Variants in VIRMA observed in about 807,000 individuals in gnomAD.
The protein encoded by VIRMA is vir like m6A methyltransferase associated.
A neutral mutation model predicts 182.4 loss-of-function variants in VIRMA; 65 were observed. The ratio of observed to expected loss-of-function variants is 0.36; its 90% confidence interval spans 0.29 to 0.44. The LOEUF is 0.44. Among genes scored for constraint, VIRMA ranks in the 20% least tolerant of loss-of-function variants. The pLI, the probability that VIRMA is intolerant of heterozygous loss-of-function variation, is 1.00. For missense variants in VIRMA, 1,752 were observed against 2,158.1 expected (o/e 0.81, Z 3.73); for synonymous variants, 709 against 743.1 (o/e 0.95, Z 0.75).
chr8:94,521,044 T>C lies in VIRMA; in HGVS notation c.2022-1568A>G, dbSNP rs201600737. Among the ~76,000 whole-genome samples, 8 of 7,838 alleles carry C rather than the reference T, an allele frequency of 1.0e-3. No individual in the cohort carries two copies. In the East Asian group the frequency reaches 0.15, roughly 151 times the overall value. 5.1% of individuals were successfully genotyped at this position (7,838 alleles called of 152,430 possible). A position where few individuals can be genotyped will look rare whatever the true frequency, so the allele number is the denominator to read the frequency against. ...TTCCAAAATCTACTTTTTTATCTCT[T>C]TTTTTTTTTTAAATTTTTTAGTTCT... is the stretch of plus-strand genomic sequence containing the variant. On this transcript the variant is annotated intron_variant, in intron 8 of 23. Coordinates refer to ENST00000297591, the MANE Select transcript of VIRMA (RefSeq NM_015496.5).
rs367972080 is a variant in VIRMA at position 94,518,999 on chromosome 8, G to A, written c.2499C>T (p.Ser833=). Residue 833 remains serine, a synonymous_variant, in exon 9 of 24, where the codon TCC becomes TCT. Coordinates refer to ENST00000297591, the MANE Select transcript of VIRMA (RefSeq NM_015496.5). ...TAGGAAATTACCCCAAGGCTTCTTTGGAATAGTACTCCATTAGAGTAATAA... is the reference window on the plus strand; with the variant it reads ...TAGGAAATTACCCCAAGGCTTCTTTAGAATAGTACTCCATTAGAGTAATAA... ...QSLITLMEYY[S]KEALGDSKSK... 10 of 1,602,478 alleles carry A rather than the reference G, an allele frequency of 6.2e-6. No homozygotes were observed. The highest frequency in any genetic ancestry group is 7.6e-6 in the Non-Finnish European group (9 of 1,176,878).
intron 1 of VIRMA, among the ~76,000 whole-genome samples, chr8:94,549,056 T>C (rs1815880656): frequency 6.6e-6 from 1 of 152,228 alleles, no homozygotes. Flanking sequence ...ACACCTGGCT[T>C]ATCTTGCATT....
rs1815075072 is a variant in VIRMA, at chr8:94,529,212, T to C, written c.738A>G (p.Glu246=). 1.3e-6 allele frequency: 2 copies of C among 1,522,278 alleles called. No individual in the cohort carries two copies. The highest frequency in any genetic ancestry group is 1.8e-6 in the Non-Finnish European group (2 of 1,096,724). The allele number at this position is 1,522,278 out of a possible 1,614,324, so 94.3% of individuals were successfully genotyped here. A position where few individuals can be genotyped will look rare whatever the true frequency, so the allele number is the denominator to read the frequency against. ...DEGEVEEEQQ[E]EGEEDEDDVD... is the part of the protein sequence containing the mutation. ...CATCATCTTCATCTTCTTCTCCTTCTTCTTGTTGTTCCTCTTCTACTTCTC... is the reference window on the plus strand; with the variant it reads ...CATCATCTTCATCTTCTTCTCCTTCCTCTTGTTGTTCCTCTTCTACTTCTC... Residue 246 remains glutamate, a synonymous_variant, in exon 7 of 24, where the codon GAA becomes GAG. Transcript: ENST00000297591.
At chr8:94,514,828 C>T (rs1814505699) in intron 11 of VIRMA, 41 bp downstream of exon 11, 1 of 994,250 alleles carries the variant, frequency 1.0e-6, no homozygotes, top group Non-Finnish European at 1.6e-6. Flanking sequence ...TACTACCACA[C>T]AGTTTCAAAA....
In VIRMA at chr8:94,513,335, T is replaced by TCAAAA. The variant is rs199748166; in HGVS notation, c.2752-1251_2752-1247dup. Among the ~76,000 whole-genome samples, 30 of 146,438 alleles carry TCAAAA rather than the reference T, an allele frequency of 2.0e-4. No homozygotes were observed. In the East Asian group the frequency reaches 4.2e-3, roughly 21 times the overall value. On this transcript the variant is annotated intron_variant, in intron 11 of 23. Transcript: ENST00000297591. The stretch of plus-strand genomic sequence containing the variant: ...CTGGGCGACAGAGCAAGACTCCATC[T>TCAAAA]CAAAACAAAACAAAACAAAACAAAA...
intron 16 of VIRMA, among the ~76,000 whole-genome samples, chr8:94,500,608 G>C (rs923712967): frequency 1.3e-5 from 2 of 151,612 alleles, no homozygotes; most frequent in Admixed American, 1.3e-4. Context: ...CACTGCTAGT[G>C]GGAATGAAAA....
At chr8:94,492,323 G>A (rs551221051) in intron 21 of VIRMA, among the ~76,000 whole-genome samples, 21 of 143,536 alleles carry the variant, frequency 1.5e-4, no homozygotes, top group South Asian at 4.5e-4. Flanking sequence ...TTGCTCTGTC[G>A]CCCAGGCTGC....
Position 94,526,902 on chromosome 8 carries a change from G to C in VIRMA, c.1342C>G (p.Pro448Ala), listed in dbSNP as rs1179761393. 6.2e-7 allele frequency: 1 copy of C among 1,614,206 alleles called. No homozygotes were observed. Among genetic ancestry groups the C allele is most frequent in the Non-Finnish European group, 8.5e-7 (1 of 1,180,022 alleles). The change falls in exon 8 of 24, where the codon CCT (proline) becomes GCT (alanine). Residue 448 changes from proline to alanine, a missense_variant. This residue lies in a region of VIRMA where 401 missense variants were observed against 455.1 expected (regional missense o/e 0.88). Coordinates refer to ENST00000297591, the MANE Select transcript of VIRMA (RefSeq NM_015496.5). The part of the protein sequence containing the change: ...ALNLQVALRQ[P>A]IALNVRQLKA... The stretch of plus-strand genomic sequence containing the variant: ...AGCTGTCGAACATTTAAGGCGATAG[G>C]TTGGCGAAGCGCTACTTGTAAATTT...
In VIRMA at chr8:94,526,482, G is replaced by C. The variant is rs765407097; in HGVS notation, c.1762C>G (p.His588Asp). 1 of 1,613,830 alleles carries C rather than the reference G, an allele frequency of 6.2e-7. No homozygotes were observed. Among genetic ancestry groups the C allele is most frequent in the Admixed American group, 1.7e-5 (1 of 59,938 alleles). ...SSLPNHSEPD[H>D]DTDAGLERTN... Reference sequence around the variant, plus strand: ...CTCTCAAGTCCAGCATCTGTGTCGTGATCAGGTTCACTGTGGTTAGGAAGA... The same window carrying C: ...CTCTCAAGTCCAGCATCTGTGTCGTCATCAGGTTCACTGTGGTTAGGAAGA... The change falls in exon 8 of 24, where the codon CAC (histidine) becomes GAC (aspartate). Residue 588 changes from histidine (H) to aspartate (D), a missense_variant. Physicochemically the swap from His to Asp is moderately conservative, Grantham distance 81. Coordinates refer to ENST00000297591, the MANE Select transcript of VIRMA (RefSeq NM_015496.5).
chr8:94,488,677 A>G lies in VIRMA; in HGVS notation c.*29T>C, dbSNP rs1378106073. On this transcript the variant is annotated 3_prime_UTR_variant, in exon 24 of 24. Transcript: ENST00000297591. ...TTTATTGTCCTCGTGAAATGTTCAT[A>G]TACAGTTAAGATGTTCCCAAAAGGA... 5 of 1,610,428 alleles carry G rather than the reference A, an allele frequency of 3.1e-6. No homozygotes were observed. Among genetic ancestry groups the G allele is most frequent in the Non-Finnish European group, 4.2e-6 (5 of 1,177,194 alleles).
chr8:94,515,746 T>A (rs559886339), intron 10 of VIRMA, among the ~76,000 whole-genome samples: 1 of 152,168 alleles, frequency 6.6e-6, no homozygotes. Context: ...GATGTTTACA[T>A]GCTTAAATAG....
chr8:94,521,847 A>G (rs1165302610), intron 8 of VIRMA, among the ~76,000 whole-genome samples: 1 of 152,214 alleles, frequency 6.6e-6, no homozygotes, highest in Non-Finnish European at 1.5e-5. Context: ...CAGAATTACT[A>G]TGCTCCAAGA....
At chr8:94,543,697 G>T in intron 2 of VIRMA, 130 bp downstream of exon 2, 1 of 592,762 alleles carries the variant, frequency 1.7e-6, no homozygotes, top group Admixed American at 3.0e-5. Context: ...TTACAATGCA[G>T]CATAACCATA....
intron 16 of VIRMA, among the ~76,000 whole-genome samples, chr8:94,504,117 T>C (rs1411319101): frequency 6.6e-6 from 1 of 151,750 alleles, no homozygotes; most frequent in African/African-American, 2.4e-5. Flanking sequence ...GAGGTTGCTG[T>C]GAGCTGAGAT....
chr8:94,510,640 G>A lies in VIRMA; in HGVS notation c.3403C>T (p.His1135Tyr), dbSNP rs1814333498. 6.2e-7 allele frequency: 1 copy of A among 1,610,530 alleles called. No individual in the cohort carries two copies. Residue 1135 changes from histidine to tyrosine, a missense_variant, in exon 14 of 24, where the codon CAT (histidine) becomes TAT (tyrosine). Physicochemically the swap from His to Tyr is moderately conservative, Grantham distance 83. This residue lies in a region of VIRMA where 777 missense variants were observed against 920.6 expected (regional missense o/e 0.84). Coordinates refer to ENST00000297591, the MANE Select transcript of VIRMA (RefSeq NM_015496.5). The part of the protein sequence containing the change: ...PMQTTQVIEP[H>Y]DISVALNTRK... ...GTGTTGAGTGCCACTGATATATCAT[G>A]TGGCTCAATAACCTGTTAAAAAAGT...
chr8:94,499,582 AC>A (rs1813897216), intron 16 of VIRMA, 76 bp from the exon 17 acceptor site: 1 of 1,058,174 alleles, frequency 9.5e-7, no homozygotes, highest in Admixed American at 2.5e-5. Flanking sequence ...AAATGAACTC[AC>A]TTCAGACAGA....
chr8:94,526,836 C>A lies in VIRMA; in HGVS notation c.1408G>T (p.Gly470Trp), dbSNP rs771092615. 1 of 1,614,194 alleles carries A rather than the reference C, an allele frequency of 6.2e-7. No homozygotes were observed. Among genetic ancestry groups the A allele is most frequent in the Non-Finnish European group, 8.5e-7 (1 of 1,180,036 alleles). The change falls in exon 8 of 24, where the codon GGG becomes TGG. Residue 470 changes from glycine to tryptophan, a missense_variant. Gly to Trp is a radical substitution (Grantham distance 184). This residue lies in a region of VIRMA where 401 missense variants were observed against 455.1 expected (regional missense o/e 0.88). Transcript: ENST00000297591. Reference protein sequence around the residue: ...TKLVSSLAECGAQGVTGLLQA... With the variant: ...TKLVSSLAECWAQGVTGLLQA... ...AGCAGTCCTGTAACTCCTTGAGCCC[C>A]ACATTCTGCTAGTGAGGACACTAAT... is the stretch of plus-strand genomic sequence containing the variant.
At chr8:94,509,603 A>C in intron 15 of VIRMA, 85 bp downstream of exon 15, 1 of 1,420,702 alleles carries the variant, frequency 7.0e-7, no homozygotes, top group Non-Finnish European at 9.4e-7. Context: ...TCACAGCCAA[A>C]ATTTACATCA....
Position 94,543,881 on chromosome 8 carries a change from A to T in VIRMA, c.125T>A (p.Val42Asp). ...ATGGGCTCTTACTCCTGGGGGTATG[A>T]CTCGGACTTCATTGATATAAACCAC... ...PCVVYINEVR[V>D]IPPGVRAHSS... Residue 42 changes from valine (V) to aspartate (D), a missense_variant, in exon 2 of 24, where the codon GTC (valine) becomes GAC (aspartate). Transcript: ENST00000297591. 6.2e-7 allele frequency: 1 copy of T among 1,613,248 alleles called. No homozygotes were observed. The highest frequency in any genetic ancestry group is 8.5e-7 in the Non-Finnish European group (1 of 1,179,434).
Sources: allele counts gnomAD v4.1 joint callset (sites outside exome capture counted in the v4.1 genomes callset), GRCh38; gene constraint gnomAD v4.1.1; regional missense constraint gnomAD v4.1.1; transcripts MANE v1.5; gene names NCBI Gene and HGNC (gene_info 2026-07-23, HGNC 2026-07-21).